The following SYNE3 variants were observed in gnomAD, a reference collection of about 807,000 sequenced individuals.
SYNE3 encodes the protein nesprin-3.
SYNE3 carries 100 observed loss-of-function variants against 111.2 expected under a neutral mutation model. That is an observed-to-expected ratio of 0.90 (90% CI 0.77 to 1.06). The LOEUF is 1.06. Among genes scored for constraint, SYNE3 ranks in the 50% least tolerant of loss-of-function variants. The pLI, the probability that SYNE3 is intolerant of heterozygous loss-of-function variation, is 0.00. For synonymous variants in SYNE3, 547 were observed against 533.9 expected (o/e 1.02, Z -0.34); for missense variants, 1,160 against 1,240.3 (o/e 0.94, Z 0.97).
intron 1 of SYNE3, among the ~76,000 whole-genome samples, chr14:95,483,589 CT>C (rs1889380697): frequency 6.6e-6 from 1 of 152,170 alleles, no homozygotes; most frequent in Non-Finnish European, 1.5e-5. Flanking sequence ...ATCTTCTCCT[CT>C]GTGGCACTGG....
intron 1 of SYNE3, among the ~76,000 whole-genome samples, chr14:95,477,146 C>T (rs1888931365): frequency 6.6e-6 from 1 of 152,214 alleles, no homozygotes; most frequent in Non-Finnish European, 1.5e-5. Flanking sequence ...CCTATAATTC[C>T]AGAACTTTGG....
intron 1 of SYNE3, among the ~76,000 whole-genome samples, chr14:95,515,527 G>C (rs912291302): frequency 3.9e-5 from 6 of 152,222 alleles, no homozygotes; most frequent in African/African-American, 7.2e-5. Flanking sequence ...GATGAAGGAC[G>C]CTGTCCTGCC....
At chr14:95,422,358 C>T (rs1885174522) in intron 17 of SYNE3, among the ~76,000 whole-genome samples, 1 of 152,132 alleles carries the variant, frequency 6.6e-6, no homozygotes, top group Admixed American at 6.5e-5. Flanking sequence ...GCCGACTTTC[C>T]TATGCTCATT....
At chr14:95,428,623 A>G (rs912592595) in intron 17 of SYNE3, among the ~76,000 whole-genome samples, 1 of 152,164 alleles carries the variant, frequency 6.6e-6, no homozygotes, top group Non-Finnish European at 1.5e-5. Flanking sequence ...ATCCCCAACT[A>G]AAAGTTTGTC....
At chr14:95,448,452 C>T (rs1703114822) in intron 8 of SYNE3, among the ~76,000 whole-genome samples, 2 of 151,636 alleles carry the variant, frequency 1.3e-5, no homozygotes, top group African/African-American at 2.4e-5. Context: ...TTTGGGAGGC[C>T]GGGGCAGGCA....
intron 16 of SYNE3, 109 bp from the exon 17 acceptor site, chr14:95,432,226 G>T: frequency 7.4e-7 from 1 of 1,348,506 alleles, no homozygotes; most frequent in African/African-American, 1.5e-5. Context: ...TCAGGGGAGT[G>T]TTTCTTTAAA....
intron 17 of SYNE3, among the ~76,000 whole-genome samples, chr14:95,428,647 T>C (rs1040433269): frequency 6.6e-6 from 1 of 152,180 alleles, no homozygotes; most frequent in East Asian, 1.9e-4. Context: ...GGTAGGGCTA[T>C]GCCGCTTCCC....
chr14:95,429,849 C>A, intron 17 of SYNE3: 2 of 812,214 alleles, frequency 2.5e-6, no homozygotes, highest in South Asian at 1.1e-4. Context: ...TGCTACTGAG[C>A]AACATCAGCT....
chr14:95,482,724 T>C (rs763129966), intron 1 of SYNE3, among the ~76,000 whole-genome samples: 1 of 152,088 alleles, frequency 6.6e-6, no homozygotes, highest in Non-Finnish European at 1.5e-5. Flanking sequence ...CCAATGACAG[T>C]AAAAGCCGAC....
intron 4 of SYNE3, among the ~76,000 whole-genome samples, chr14:95,463,395 T>C (rs12434187): frequency 6.6e-6 from 1 of 152,044 alleles, no homozygotes; most frequent in Non-Finnish European, 1.5e-5. Flanking sequence ...CACCCCAGCA[T>C]CCACCCTCAC....
rs1903516320 is a variant in SYNE3 at position 95,414,568 on chromosome 14, G to A, written c.*3258C>T. The A allele has an allele frequency of 6.6e-6, 1 of 152,146 alleles. No individual in the cohort carries two copies. The highest frequency in any genetic ancestry group is 1.5e-5 in the Non-Finnish European group (1 of 68,050). 9.4% of individuals were successfully genotyped at this position (152,146 alleles called of 1,614,324 possible). On this transcript the variant is annotated 3_prime_UTR_variant, in exon 18 of 18. Transcript: ENST00000682763. ...TGCTGCATGTGCCTTTCCACATGCA[G>A]AGAACGGGCTAAGAAAGAAAGGGGT...
chr14:95,475,916 A>C (rs1298540833), intron 1 of SYNE3, 81 bp from the exon 2 acceptor site: 1 of 1,308,658 alleles, frequency 7.6e-7, no homozygotes, highest in Non-Finnish European at 9.8e-7. Flanking sequence ...CACCTGGGAC[A>C]GGCCCACTCC....
chr14:95,512,424 C>G (rs1005159335), intron 1 of SYNE3, among the ~76,000 whole-genome samples: 1 of 152,126 alleles, frequency 6.6e-6, no homozygotes, highest in African/African-American at 2.4e-5. Context: ...CATGGTGGCA[C>G]ATGCCTGTAA....
rs1890284022 is a variant in SYNE3, at chr14:95,500,223, C to T, written c.-15+16373G>A. On this transcript the variant is annotated intron_variant, in intron 1 of 17. Coordinates refer to ENST00000682763, the MANE Select transcript of SYNE3 (RefSeq NM_152592.6). This position sits in a 1 kb window ranked among gnomAD's most constrained non-coding sequence, Gnocchi z 4.7. ...TGAGACCTTCTCCCCAGAACCTTCA[C>T]CTCCTTGGAGTCCAAGGTCGACTGT... 6.6e-6 allele frequency among the ~76,000 whole-genome samples: 1 copy of T among 152,206 alleles called. No homozygotes were observed. The highest frequency in any genetic ancestry group is 2.4e-5 in the African/African-American group (1 of 41,450).
At position 95,485,518 on chromosome 14, in the gene SYNE3, G is replaced by A. The variant is rs1595248342; in HGVS notation, c.-14-9683C>T. ...CAAAGACAGGACGCCCTAACCTACAGGTGCTAGGAGCTCTGCAACCCCACC... is the reference window on the plus strand; with the variant it reads ...CAAAGACAGGACGCCCTAACCTACAAGTGCTAGGAGCTCTGCAACCCCACC... On this transcript the variant is annotated intron_variant, in intron 1 of 17. Transcript: ENST00000682763. This position sits in a 1 kb window ranked among gnomAD's most constrained non-coding sequence, Gnocchi z 4.3. Among the ~76,000 whole-genome samples the A allele has an allele frequency of 2.0e-5, 3 of 152,106 alleles. No homozygotes were observed. The highest frequency in any genetic ancestry group is 3.9e-4 in the East Asian group (2 of 5,188).
chr14:95,477,402 T>C (rs1411807869), intron 1 of SYNE3, among the ~76,000 whole-genome samples: 2 of 152,224 alleles, frequency 1.3e-5, no homozygotes, highest in African/African-American at 4.8e-5. Flanking sequence ...GAAGTTTGTT[T>C]TTTTTTCCCT....
intron 1 of SYNE3, among the ~76,000 whole-genome samples, chr14:95,490,892 A>T (rs888527777): frequency 6.6e-6 from 1 of 152,246 alleles, no homozygotes; most frequent in Non-Finnish European, 1.5e-5. Context: ...TCAGCTCTGC[A>T]TCATCCGTTG....
Position 95,466,012 on chromosome 14 carries a change from G to A in SYNE3, c.546C>T (p.Asn182=). 4 of 1,611,968 alleles carry A rather than the reference G, an allele frequency of 2.5e-6. 1 individual carries two copies. The change falls in exon 4 of 18, where the codon AAC becomes AAT. Residue 182 remains asparagine, a synonymous_variant. Transcript: ENST00000682763. Reference sequence around the variant, plus strand: ...CGTCCACGCTGGGGTCCCCGATCCTGTTGAACAGGGAGGCTGCCTCCTCCA... The same window carrying A: ...CGTCCACGCTGGGGTCCCCGATCCTATTGAACAGGGAGGCTGCCTCCTCCA... ...RLLEEAASLF[N]RIGDPSVDED...
chr14:95,497,810 C>T (rs891024803), intron 1 of SYNE3, among the ~76,000 whole-genome samples: 6 of 152,112 alleles, frequency 3.9e-5, no homozygotes, highest in African/African-American at 9.7e-5. Context: ...GACCAGCAGG[C>T]CACAGTTTGT....
Sources: gnomAD v4.1 joint callset for allele counts (sites outside exome capture counted in the v4.1 genomes callset) on GRCh38, gnomAD v4.1.1 for gene constraint, Gnocchi (gnomAD v3.1) non-coding constraint, MANE v1.5 for transcripts, NCBI Gene and HGNC (gene_info 2026-07-23, HGNC 2026-07-21) for gene names.